The following PCMT1 variants were observed in gnomAD, a reference collection of about 807,000 sequenced individuals.
PCMT1 encodes protein-L-isoaspartate(D-aspartate) O-methyltransferase.
PCMT1 carries 9 observed loss-of-function variants against 29.2 expected under a neutral mutation model. That is an observed-to-expected ratio of 0.31 (90% CI 0.19 to 0.54). The LOEUF is 0.54. PCMT1 is among the 20% of genes least tolerant of loss of function. PCMT1 has a pLI of 0.95. For synonymous variants in PCMT1, 98 were observed against 97.5 expected (o/e 1.00, Z -0.03); for missense variants, 184 against 282.2 (o/e 0.65, Z 2.49).
chr6:149,792,314 CAAAA>C (rs900497992), intron 4 of PCMT1, among the ~76,000 whole-genome samples: 1 of 144,408 alleles, frequency 6.9e-6, no homozygotes, highest in African/African-American at 2.5e-5. Context: ...GACTTTATCT[CAAAA>C]AAAAAAGAAG....
At chr6:149,795,916 GT>G (rs1788591985) in intron 5 of PCMT1, among the ~76,000 whole-genome samples, 1 of 152,174 alleles carries the variant, frequency 6.6e-6, no homozygotes, top group African/African-American at 2.4e-5. Flanking sequence ...CTCCAGTGCC[GT>G]TTCATGCTTT....
At chr6:149,765,512 A>G (rs1787044142) in intron 1 of PCMT1, among the ~76,000 whole-genome samples, 1 of 151,912 alleles carries the variant, frequency 6.6e-6, no homozygotes, top group Non-Finnish European at 1.5e-5. Flanking sequence ...AAGACCATAT[A>G]AGTTTGTCTT....
chr6:149,787,323 G>C (rs1430043779), intron 3 of PCMT1, among the ~76,000 whole-genome samples: 1 of 150,764 alleles, frequency 6.6e-6, no homozygotes, highest in Admixed American at 6.6e-5. Flanking sequence ...AGAGGGAGAG[G>C]GAGCGGGAGC....
intron 7 of PCMT1, among the ~76,000 whole-genome samples, chr6:149,803,565 T>A (rs1283888602): frequency 6.6e-6 from 1 of 151,984 alleles, no homozygotes; most frequent in Non-Finnish European, 1.5e-5. Context: ...CATCAGTACA[T>A]AACAGTGCCA....
At chr6:149,767,953 C>T (rs1413091862) in intron 1 of PCMT1, among the ~76,000 whole-genome samples, 1 of 151,874 alleles carries the variant, frequency 6.6e-6, no homozygotes, top group Non-Finnish European at 1.5e-5. Flanking sequence ...ACCACCACAC[C>T]CGGCTAATGT....
chr6:149,772,061 G>A (rs1316171289), intron 2 of PCMT1: 1 of 456,798 alleles, frequency 2.2e-6, no homozygotes, highest in Admixed American at 2.3e-5. Context: ...TTGCTGAACT[G>A]CTGAGCCTTG....
At chr6:149,767,674 G>A (rs367722515) in intron 1 of PCMT1, among the ~76,000 whole-genome samples, 7 of 150,704 alleles carry the variant, frequency 4.6e-5, no homozygotes, top group Non-Finnish European at 7.4e-5. Flanking sequence ...GGCTGGTCTC[G>A]AACTCCTGGA....
intron 2 of PCMT1, chr6:149,772,676 C>A: frequency 2.4e-6 from 1 of 417,006 alleles, no homozygotes; most frequent in Non-Finnish European, 4.7e-6. Context: ...TGACAGTACT[C>A]TAATAGAAGT....
At position 149,804,080 on chromosome 6, in the gene PCMT1, CAAAAAAAA is replaced by C. The variant is rs58975454; in HGVS notation, c.*37+1680_*37+1687del. ...TGGGTGACAGAGCGAGACTCTGTCT[CAAAAAAAA>C]AAAAAAAAAAAAAAATTAAAAAGGC... On this transcript the variant is annotated intron_variant, in intron 7 of 7. Transcript: ENST00000464889. Among the ~76,000 whole-genome samples the C allele has an allele frequency of 1.7e-4, 13 of 77,510 alleles. No homozygotes were observed. In the East Asian group the frequency reaches 3.9e-3, roughly 23 times the overall value. 50.8% of individuals were successfully genotyped at this position (77,510 alleles called of 152,430 possible). A position where few individuals can be genotyped will look rare whatever the true frequency, so the allele number is the denominator to read the frequency against.
chr6:149,779,522 G>C (rs1787721682), intron 3 of PCMT1, among the ~76,000 whole-genome samples: 1 of 152,016 alleles, frequency 6.6e-6, no homozygotes, highest in Non-Finnish European at 1.5e-5. Context: ...ATAGAAGCAT[G>C]AATGTGACTG....
chr6:149,769,979 C>T (rs1262517276), intron 1 of PCMT1, among the ~76,000 whole-genome samples: 1 of 152,074 alleles, frequency 6.6e-6, no homozygotes, highest in Non-Finnish European at 1.5e-5. Context: ...TCTCCTGGCT[C>T]TACAACAGTC....
rs1411258912 is a variant in PCMT1 at position 149,811,413 on chromosome 6, A to T, written c.*835A>T. The stretch of plus-strand genomic sequence containing the variant: ...GCTTTGCCAAATAAAGTTAAAAGTA[A>T]AAGAGGCATTGGTTGTTTTTGAATA... On this transcript the variant is annotated 3_prime_UTR_variant, in exon 8 of 8. Coordinates refer to ENST00000464889, the MANE Select transcript of PCMT1 (RefSeq NM_001360452.2). 1 of 152,708 alleles carries T rather than the reference A, an allele frequency of 6.5e-6. No individual in the cohort carries two copies. The highest frequency in any genetic ancestry group is 1.5e-5 in the Non-Finnish European group (1 of 68,068). The allele number at this position is 152,708 out of a possible 1,614,324, so 9.5% of individuals were successfully genotyped here. A position where few individuals can be genotyped will look rare whatever the true frequency, so the allele number is the denominator to read the frequency against.
rs747928799 is a variant in PCMT1 at position 149,802,242 on chromosome 6, G to A, written c.547G>A (p.Val183Ile). The A allele has an allele frequency of 6.2e-6, 10 of 1,612,476 alleles. No individual in the cohort carries two copies. In the East Asian group the frequency reaches 8.9e-5, roughly 14 times the overall value. The change falls in exon 7 of 8, where the codon GTT (valine) becomes ATT (isoleucine). Residue 183 changes from valine (V) to isoleucine (I), a missense_variant. Physicochemically the swap from Val to Ile is conservative, Grantham distance 29. Transcript: ENST00000464889. ...LKPGGRLILP[V>I]GPAGGNQMLE... Reference sequence around the variant, plus strand: ...GCCCGGAGGAAGATTGATATTGCCTGTTGGTCCTGCAGGCGGAAACCAAAT... The same window carrying A: ...GCCCGGAGGAAGATTGATATTGCCTATTGGTCCTGCAGGCGGAAACCAAAT...
intron 7 of PCMT1, among the ~76,000 whole-genome samples, chr6:149,802,965 A>G (rs1363337268): frequency 6.9e-6 from 1 of 144,716 alleles, no homozygotes; most frequent in East Asian, 2.1e-4. Context: ...AGCCAGGAGA[A>G]TTGCTTAAAC....
chr6:149,754,764 G>A (rs1786449230), intron 1 of PCMT1, among the ~76,000 whole-genome samples: 1 of 152,136 alleles, frequency 6.6e-6, no homozygotes. Flanking sequence ...TCATCCCTTT[G>A]TTCAGCATAT....
At chr6:149,790,253 G>A (rs1221665968) in intron 4 of PCMT1, among the ~76,000 whole-genome samples, 195 bp downstream of exon 4, 7 of 152,204 alleles carry the variant, frequency 4.6e-5, no homozygotes, top group African/African-American at 1.7e-4. Flanking sequence ...AGAGCTAAAA[G>A]GGAGTTTATT....
At chr6:149,789,398 G>A (rs1398351382) in intron 3 of PCMT1, among the ~76,000 whole-genome samples, 1 of 151,864 alleles carries the variant, frequency 6.6e-6, no homozygotes, top group Non-Finnish European at 1.5e-5. Flanking sequence ...TTTTAATAAT[G>A]AGAATACTGG....
chr6:149,795,205 A>T (rs973179596), intron 5 of PCMT1: 14 of 368,956 alleles, frequency 3.8e-5, no homozygotes, highest in Non-Finnish European at 7.2e-5. Context: ...AAAAAAAAAA[A>T]AAGAAATGTT....
At chr6:149,784,553 C>A (rs988303577) in intron 3 of PCMT1, among the ~76,000 whole-genome samples, 23 of 151,958 alleles carry the variant, frequency 1.5e-4, no homozygotes, top group African/African-American at 5.1e-4. Context: ...TCACTGCGGC[C>A]TGCTGGGCTC....
Sources: gnomAD v4.1 joint callset for allele counts (sites outside exome capture counted in the v4.1 genomes callset) on GRCh38, gnomAD v4.1.1 for gene constraint, MANE v1.5 for transcripts, NCBI Gene and HGNC (gene_info 2026-07-23, HGNC 2026-07-21) for gene names.